The following OTUB2 variants were observed in gnomAD, a reference collection of about 807,000 sequenced individuals.
OTUB2 encodes the protein OTU deubiquitinase, ubiquitin aldehyde binding 2.
A neutral mutation model predicts 25.1 loss-of-function variants in OTUB2; 21 were observed. That is an observed-to-expected ratio of 0.84 (90% CI 0.59 to 1.21). OTUB2 has a LOEUF of 1.21. Ranked by LOEUF, OTUB2 falls within the 50% of genes most tolerant of loss-of-function variation. The pLI, the probability that OTUB2 is intolerant of heterozygous loss-of-function variation, is 0.00. For synonymous variants in OTUB2, 122 were observed against 122.8 expected (o/e 0.99, Z 0.04); for missense variants, 283 against 298.0 (o/e 0.95, Z 0.37).
At chr14:94,040,511 G>A (rs952236952) in intron 3 of OTUB2, among the ~76,000 whole-genome samples, 3 of 152,232 alleles carry the variant, frequency 2.0e-5, no homozygotes, top group Admixed American at 1.3e-4. Flanking sequence ...TTTCATGCCT[G>A]TGGAAGGTGG....
Position 94,044,676 on chromosome 14 carries a change from G to A in OTUB2, c.394G>A (p.Val132Met), listed in dbSNP as rs781189899. 79 of 1,614,028 alleles carry A rather than the reference G, an allele frequency of 4.9e-5. No homozygotes were observed. The South Asian group carries it at 7.7e-4, about 16-fold the overall frequency. ...CGACCAGAGTGCCTCGGACCACATC[G>A]TGCAGTTCCTGCGCCTGCTCACGTC... The part of the protein sequence containing the change: ...FNDQSASDHI[V>M]QFLRLLTSAF... The change falls in exon 5 of 6, where the codon GTG becomes ATG. Residue 132 changes from valine to methionine, a missense_variant. Coordinates refer to ENST00000203664, the MANE Select transcript of OTUB2 (RefSeq NM_023112.4).
chr14:94,043,049 G>A (rs1885193731), intron 3 of OTUB2, among the ~76,000 whole-genome samples: 1 of 152,192 alleles, frequency 6.6e-6, no homozygotes, highest in Non-Finnish European at 1.5e-5. Flanking sequence ...CGGCATCTAG[G>A]CAAATACTCC....
At chr14:94,027,988 G>C (rs549262403) in intron 1 of OTUB2, among the ~76,000 whole-genome samples, 33 of 152,354 alleles carry the variant, frequency 2.2e-4, no homozygotes, top group Admixed American at 2.0e-3. Flanking sequence ...CTGGAGGCTG[G>C]CATGCCCTCT....
At chr14:94,037,318 C>A (rs1311365025) in intron 1 of OTUB2, 62 bp from the exon 2 acceptor site, 2 of 1,229,720 alleles carry the variant, frequency 1.6e-6, no homozygotes, top group African/African-American at 1.5e-5. Flanking sequence ...GCCACCAGCT[C>A]GGGGAGTCCC....
rs373645481 is a variant in OTUB2, at chr14:94,044,719, G to A, written c.437G>A (p.Arg146Gln). 6 of 1,613,838 alleles carry A rather than the reference G, an allele frequency of 3.7e-6. 1 individual carries two copies. In the South Asian group the frequency reaches 4.4e-5, roughly 12 times the overall value. ...CTCACGTCGGCCTTCATCAGGAACC[G>A]AGCAGACTTCTTCCGGCACTTCATT... The part of the protein sequence containing the change: ...RLLTSAFIRN[R>Q]ADFFRHFIDE... The change falls in exon 5 of 6, where the codon CGA (arginine) becomes CAA (glutamine). Residue 146 changes from arginine to glutamine, a missense_variant. Physicochemically the swap from Arg to Gln is conservative, Grantham distance 43 (BLOSUM62 1). Coordinates refer to ENST00000203664, the MANE Select transcript of OTUB2 (RefSeq NM_023112.4).
At chr14:94,027,947 T>C (rs932785165) in intron 1 of OTUB2, among the ~76,000 whole-genome samples, 1 of 152,178 alleles carries the variant, frequency 6.6e-6, no homozygotes, top group Non-Finnish European at 1.5e-5. Flanking sequence ...GTGGTGGAGC[T>C]GGGGTAATGA....
chr14:94,044,774 C>A lies in OTUB2; in HGVS notation c.492C>A (p.Cys164Ter). The change falls in exon 5 of 6, where the codon TGC becomes TGA. Residue 164 changes from cysteine to a stop codon, truncating the protein, a stop_gained. Transcript: ENST00000203664. LOFTEE classifies it high-confidence loss of function. ...AGGAGATGGACATCAAAGACTTCTG[C>A]ACTCACGTAGGTGCTTGGGGTCTCA... ...IDEEMDIKDF[C>*]THEVEPMATE... The A allele has an allele frequency of 6.2e-7, 1 of 1,611,612 alleles. No individual in the cohort carries two copies. The highest frequency in any genetic ancestry group is 1.1e-5 in the South Asian group (1 of 90,798).
intron 1 of OTUB2, 53 bp downstream of exon 1, chr14:94,026,593 C>CGGGGGCGGGGGGGGGGGGGGGG: frequency 2.4e-6 from 1 of 408,488 alleles, no homozygotes; most frequent in Non-Finnish European, 3.5e-6. Flanking sequence ...GCGCGGTGGG[C>CGGGGGCGGGGGGGGGGGGGGGG]GGGGTCGCTG....
intron 1 of OTUB2, among the ~76,000 whole-genome samples, chr14:94,029,465 C>T (rs1285146129): frequency 6.6e-6 from 1 of 152,162 alleles, no homozygotes; most frequent in Non-Finnish European, 1.5e-5. Flanking sequence ...AGCTCCTTGG[C>T]TTGTGGTTGC....
At position 94,044,732 on chromosome 14, in the gene OTUB2, C is replaced by G. The variant is rs1885236242; in HGVS notation, c.450C>G (p.Phe150Leu). The G allele has an allele frequency of 6.2e-7, 1 of 1,613,778 alleles. No individual in the cohort carries two copies. ...TCATCAGGAACCGAGCAGACTTCTTCCGGCACTTCATTGATGAGGAGATGG... is the reference window on the plus strand; with the variant it reads ...TCATCAGGAACCGAGCAGACTTCTTGCGGCACTTCATTGATGAGGAGATGG... Reference protein sequence around the residue: ...SAFIRNRADFFRHFIDEEMDI... With the variant: ...SAFIRNRADFLRHFIDEEMDI... Residue 150 changes from phenylalanine to leucine, a missense_variant, in exon 5 of 6, where the codon TTC (phenylalanine) becomes TTG (leucine). By Grantham distance (22) the Phe-to-Leu change is conservative. Coordinates refer to ENST00000203664, the MANE Select transcript of OTUB2 (RefSeq NM_023112.4).
intron 5 of OTUB2, 96 bp downstream of exon 5, chr14:94,044,876 G>A (rs1209072949): frequency 4.0e-6 from 5 of 1,264,404 alleles, no homozygotes; most frequent in Non-Finnish European, 5.4e-6. Flanking sequence ...GGACTCGGGT[G>A]TCACGACTGC....
chr14:94,043,885 A>G (rs771470363), intron 3 of OTUB2, 86 bp from the exon 4 acceptor site: 4 of 1,234,050 alleles, frequency 3.2e-6, no homozygotes, highest in Non-Finnish European at 4.8e-6. Flanking sequence ...TGGTGGGCGC[A>G]GTGGGTTGAG....
chr14:94,041,722 T>C (rs1388116561), intron 3 of OTUB2, among the ~76,000 whole-genome samples: 1 of 152,172 alleles, frequency 6.6e-6, no homozygotes, highest in Non-Finnish European at 1.5e-5. Flanking sequence ...GGGACTCACT[T>C]ATCCTACACA....
At chr14:94,039,301 T>C in intron 3 of OTUB2, 1 of 583,564 alleles carries the variant, frequency 1.7e-6, no homozygotes, top group Non-Finnish European at 3.0e-6. Context: ...ACCTCCCAGA[T>C]GCTTTCCAGC....
rs2141416195 is a variant in OTUB2, at chr14:94,046,598, G to A, written c.*676G>A. The A allele has an allele frequency of 6.5e-6, 1 of 152,870 alleles. No homozygotes were observed. The highest frequency in any genetic ancestry group is 1.9e-4 in the East Asian group (1 of 5,194). The allele number at this position is 152,870 out of a possible 1,614,324, so 9.5% of individuals were successfully genotyped here. On this transcript the variant is annotated 3_prime_UTR_variant, in exon 6 of 6. Coordinates refer to ENST00000203664, the MANE Select transcript of OTUB2 (RefSeq NM_023112.4). ...GGCCCCTCTACCTCTCTCAGGGCTA[G>A]AACTGCCTGACTCTTGGTGGACGAG...
intron 1 of OTUB2, among the ~76,000 whole-genome samples, chr14:94,034,332 CA>C (rs1308606491): frequency 6.6e-6 from 1 of 152,212 alleles, no homozygotes; most frequent in Non-Finnish European, 1.5e-5. Flanking sequence ...GGTGAGGCCT[CA>C]GGGGCAGGAG....
At chr14:94,043,293 C>T (rs141313184) in intron 3 of OTUB2, among the ~76,000 whole-genome samples, 37 of 152,328 alleles carry the variant, frequency 2.4e-4, no homozygotes, top group African/African-American at 8.9e-4. Flanking sequence ...TAGTGTTCTG[C>T]GCCTGCCAGC....
At position 94,048,694 on chromosome 14, in the gene OTUB2, GC is replaced by G. The variant is rs1303584666; in HGVS notation, c.*2773del. On this transcript the variant is annotated 3_prime_UTR_variant, in exon 6 of 6. Coordinates refer to ENST00000203664, the MANE Select transcript of OTUB2 (RefSeq NM_023112.4). The stretch of plus-strand genomic sequence containing the variant: ...AGCATAGGGCACTGCAGATGGGGAA[GC>G]ATGTCACCTTGGCAGTGACTCGGTG... 6.6e-6 allele frequency: 1 copy of G among 152,220 alleles called. No individual in the cohort carries two copies. The highest frequency in any genetic ancestry group is 1.5e-5 in the Non-Finnish European group (1 of 68,040). 9.4% of individuals were successfully genotyped at this position (152,220 alleles called of 1,614,324 possible).
At chr14:94,044,480 G>GA in intron 4 of OTUB2, 106 bp from the exon 5 acceptor site, 2 of 1,161,880 alleles carry the variant, frequency 1.7e-6, no homozygotes, top group Non-Finnish European at 2.4e-6. Context: ...ATCTACAAAT[G>GA]AAAATGCACG....
Sources: allele counts gnomAD v4.1 joint callset (sites outside exome capture counted in the v4.1 genomes callset), GRCh38; gene constraint gnomAD v4.1.1; transcripts MANE v1.5; gene names NCBI Gene and HGNC (gene_info 2026-07-23, HGNC 2026-07-21).